Variants in FBXW11 observed in about 807,000 individuals in gnomAD.
FBXW11 encodes the protein F-box/WD repeat-containing protein 11.
In FBXW11, 19 loss-of-function variants were observed where a neutral mutation model predicts 77.6. The ratio of observed to expected loss-of-function variants is 0.24; its 90% confidence interval spans 0.17 to 0.36. The LOEUF is 0.36. Ranked by LOEUF, FBXW11 falls within the 10% of genes least tolerant of loss-of-function variation. FBXW11 has a pLI of 1.00. For synonymous variants in FBXW11, 235 were observed against 249.4 expected, an observed-to-expected ratio of 0.94 and a Z score of 0.54; for missense variants, 334 against 704.2, an observed-to-expected ratio of 0.47 and a Z score of 5.95.
Position 171,871,447 on chromosome 5 carries a change from C to A in FBXW11, c.1341-589G>T, listed in dbSNP as rs117471479. 7.2e-5 allele frequency among the ~76,000 whole-genome samples: 11 copies of A among 152,268 alleles called. No individual in the cohort carries two copies. The East Asian group carries it at 2.1e-3, about 29-fold the overall frequency. ...TGTCTCTTGATGAGGCTTGGGGATA[C>A]CCCTTCCTTGATACTATATGCTGAA... On this transcript the variant is annotated intron_variant, in intron 10 of 13. Coordinates refer to ENST00000517395, the MANE Select transcript of FBXW11 (RefSeq NM_001378974.1).
At chr5:171,998,353 T>TTTTTTTTTTTTA (rs1561762294) in intron 1 of FBXW11, among the ~76,000 whole-genome samples, 1 of 148,142 alleles carries the variant, frequency 6.8e-6, no homozygotes, top group African/African-American at 2.5e-5. Flanking sequence ...TTTTTTTTTT[T>TTTTTTTTTTTTA]AAGTAGAGAC....
At chr5:171,879,209 T>C (rs1358687880) in intron 7 of FBXW11, among the ~76,000 whole-genome samples, 2 of 152,244 alleles carry the variant, frequency 1.3e-5, no homozygotes, top group Non-Finnish European at 2.9e-5. Context: ...TCATACAGTA[T>C]GTAGCCTTTT....
intron 7 of FBXW11, among the ~76,000 whole-genome samples, chr5:171,891,210 T>C (rs936354373): frequency 2.6e-5 from 4 of 152,178 alleles, no homozygotes; most frequent in Non-Finnish European, 2.9e-5. Context: ...GATACTGGGA[T>C]ATTTTCTATT....
At chr5:171,917,867 T>C (rs181812100) in intron 2 of FBXW11, among the ~76,000 whole-genome samples, 231 of 152,000 alleles carry the variant, frequency 1.5e-3, no homozygotes, top group African/African-American at 5.3e-3. Context: ...ATACACTCCA[T>C]TAAGATACAA....
intron 2 of FBXW11, among the ~76,000 whole-genome samples, chr5:171,937,949 T>C (rs1029817671): frequency 6.6e-6 from 1 of 151,978 alleles, no homozygotes; most frequent in Non-Finnish European, 1.5e-5. Context: ...GAAAAAAAAT[T>C]TGCAGCCTAT....
intron 2 of FBXW11, among the ~76,000 whole-genome samples, chr5:171,915,539 G>A (rs1024222416): frequency 6.6e-6 from 1 of 151,744 alleles, no homozygotes; most frequent in Non-Finnish European, 1.5e-5. Context: ...GATCAGGAAT[G>A]CAGTATGATG....
chr5:172,004,527 T>C (rs983657056), intron 1 of FBXW11, among the ~76,000 whole-genome samples: 1 of 152,202 alleles, frequency 6.6e-6, no homozygotes, highest in Non-Finnish European at 1.5e-5. Flanking sequence ...TTTGTAACCA[T>C]ACACTGACTT....
chr5:171,890,507 C>T (rs1233284341), intron 7 of FBXW11, among the ~76,000 whole-genome samples: 1 of 142,364 alleles, frequency 7.0e-6, no homozygotes, highest in African/African-American at 2.5e-5. Context: ...AAAAAAAACT[C>T]TCATCACTGT....
intron 3 of FBXW11, among the ~76,000 whole-genome samples, chr5:171,913,173 G>A (rs929065095): frequency 6.6e-6 from 1 of 151,972 alleles, no homozygotes. Flanking sequence ...TTCATAACAG[G>A]TTAAATATAA....
intron 1 of FBXW11, among the ~76,000 whole-genome samples, chr5:172,000,822 AAGCGACAG>A (rs1766370967): frequency 1.3e-5 from 2 of 152,228 alleles, no homozygotes; most frequent in African/African-American, 4.8e-5. Flanking sequence ...CACAGCTAGC[AAGCGACAG>A]AGCTTGGATA....
chr5:171,928,546 A>C (rs1762005918), intron 2 of FBXW11, among the ~76,000 whole-genome samples: 1 of 152,262 alleles, frequency 6.6e-6, no homozygotes, highest in East Asian at 1.9e-4. Flanking sequence ...ACTAGCATGA[A>C]GACATATGTA....
Position 171,929,617 on chromosome 5 carries a change from C to G in FBXW11, c.148-15212G>C, listed in dbSNP as rs982036767. Among the ~76,000 whole-genome samples the G allele has an allele frequency of 4.0e-5, 6 of 151,668 alleles. No individual in the cohort carries two copies. In the South Asian group the frequency reaches 8.3e-4, roughly 21 times the overall value. ...CTGTAATCCTAGCACTTTGGGAGGCCGAGGTGGGCAGATCACGAGGTCAGG... is the reference window on the plus strand; with the variant it reads ...CTGTAATCCTAGCACTTTGGGAGGCGGAGGTGGGCAGATCACGAGGTCAGG... On this transcript the variant is annotated intron_variant, in intron 2 of 13. Coordinates refer to ENST00000517395, the MANE Select transcript of FBXW11 (RefSeq NM_001378974.1).
chr5:171,986,275 G>A (rs1765435201), intron 1 of FBXW11, among the ~76,000 whole-genome samples: 1 of 151,850 alleles, frequency 6.6e-6, no homozygotes, highest in Non-Finnish European at 1.5e-5. Context: ...GGGCATGGTG[G>A]TATGCACCTG....
Position 171,869,467 on chromosome 5 carries a change from C to T in FBXW11, c.1530+262G>A, listed in dbSNP as rs2113749518. Among the ~76,000 whole-genome samples, 1 of 152,284 alleles carries T rather than the reference C, an allele frequency of 6.6e-6. No individual in the cohort carries two copies. The highest frequency in any genetic ancestry group is 1.9e-4 in the East Asian group (1 of 5,194). ...CTACAAGAAGGAAATATTGCTTGCC[C>T]TATGAGGAAACCAGTCCACCTACAA... On this transcript the variant is annotated intron_variant, in intron 12 of 13. Coordinates refer to ENST00000517395, the MANE Select transcript of FBXW11 (RefSeq NM_001378974.1). This position sits in a 1 kb window ranked among gnomAD's most constrained non-coding sequence, Gnocchi z 4.1.
intron 1 of FBXW11, among the ~76,000 whole-genome samples, chr5:171,968,148 G>C (rs1764320413): frequency 6.6e-6 from 1 of 152,004 alleles, no homozygotes; most frequent in African/African-American, 2.4e-5. Context: ...AGAGCAGGTA[G>C]GGTTAGGACA....
chr5:171,873,282 G>A (rs1486491969), intron 9 of FBXW11, among the ~76,000 whole-genome samples: 1 of 152,156 alleles, frequency 6.6e-6, no homozygotes, highest in Non-Finnish European at 1.5e-5. Context: ...TTTACCTGGA[G>A]GAAAGAGTTT....
At chr5:171,998,468 C>T (rs1766203320) in intron 1 of FBXW11, among the ~76,000 whole-genome samples, 1 of 150,948 alleles carries the variant, frequency 6.6e-6, no homozygotes, top group Non-Finnish European at 1.5e-5. Flanking sequence ...AGCCCCCATG[C>T]CCAGCCTAAA....
chr5:171,947,229 C>A (rs551403359), intron 2 of FBXW11, among the ~76,000 whole-genome samples: 1 of 152,146 alleles, frequency 6.6e-6, no homozygotes, highest in Non-Finnish European at 1.5e-5. Context: ...GTAAGAACAT[C>A]ATAAGTCATT....
chr5:171,910,153 C>A (rs950627426), intron 4 of FBXW11, among the ~76,000 whole-genome samples: 11 of 149,332 alleles, frequency 7.4e-5, no homozygotes, highest in African/African-American at 9.9e-5. Flanking sequence ...GCAACCTCCA[C>A]CTCCTGGGTT....
Sources: allele counts gnomAD v4.1 joint callset (sites outside exome capture counted in the v4.1 genomes callset), GRCh38; gene constraint gnomAD v4.1.1; non-coding constraint Gnocchi (gnomAD v3.1); transcripts MANE v1.5; gene names NCBI Gene and HGNC (gene_info 2026-07-23, HGNC 2026-07-21).